Variants in MEGF8 observed in about 807,000 individuals in gnomAD.
MEGF8 encodes multiple epidermal growth factor-like domains protein 8.
A neutral mutation model predicts 302.9 loss-of-function variants in MEGF8; 156 were observed. That is an observed-to-expected ratio of 0.52 (90% CI 0.45 to 0.59). MEGF8 has a LOEUF of 0.59. Ranked by LOEUF, MEGF8 falls within the 20% of genes least tolerant of loss-of-function variation. The pLI is 0.00. For missense variants in MEGF8, 3,345 were observed against 3,964.5 expected (o/e 0.84, Z 4.20); for synonymous variants, 1,621 against 1,660.5 (o/e 0.98, Z 0.58).
intron 1 of MEGF8, among the ~76,000 whole-genome samples, chr19:42,327,837 G>A (rs1185926367): frequency 4.6e-5 from 7 of 152,236 alleles, no homozygotes; most frequent in African/African-American, 1.7e-4. Flanking sequence ...GCTCATGCCT[G>A]TAATCCCAGC....
intron 8 of MEGF8, among the ~76,000 whole-genome samples, chr19:42,342,545 G>C (rs2039229287): frequency 6.6e-6 from 1 of 152,028 alleles, no homozygotes; most frequent in Admixed American, 6.5e-5. Flanking sequence ...GCTGAGGCAG[G>C]AGAATGGTGT....
chr19:42,354,499 C>A lies in MEGF8; in HGVS notation c.4012-89C>A. The A allele has an allele frequency of 6.9e-7, 1 of 1,442,152 alleles. No individual in the cohort carries two copies. The allele number at this position is 1,442,152 out of a possible 1,614,324, so 89.3% of individuals were successfully genotyped here. ...AGCCCATTTCCCAGTCTCAGATTGCCCTCCCCTCTTGAACCCCTCCTCCTC... is the reference window on the plus strand; with the variant it reads ...AGCCCATTTCCCAGTCTCAGATTGCACTCCCCTCTTGAACCCCTCCTCCTC... On this transcript the variant is annotated intron_variant, in intron 22 of 41. Transcript: ENST00000251268. The surrounding 1 kb of genome is among the most constrained non-coding windows in gnomAD (Gnocchi z 4.3).
At chr19:42,350,435 G>A (rs759805927) in intron 15 of MEGF8, 51 bp downstream of exon 15, 41 of 1,426,290 alleles carry the variant, frequency 2.9e-5, no homozygotes, top group Non-Finnish European at 3.4e-5. Flanking sequence ...AGCCACAGCA[G>A]GCAATGGGCA....
intron 8 of MEGF8, 140 bp from the exon 9 acceptor site, chr19:42,343,337 G>T (rs1243907807): frequency 1.2e-6 from 1 of 859,992 alleles, no homozygotes; most frequent in East Asian, 2.7e-5. Flanking sequence ...CAGGTGGGCT[G>T]GGAGAGTGTC....
Position 42,326,047 on chromosome 19 carries a change from T to G in MEGF8, c.-197T>G. ...AGGGCCTTCCATCGCTCTATAGGGC[T>G]CAGCCCTCGGCTTCCAGAGCCTGTC... is the stretch of plus-strand genomic sequence containing the variant. On this transcript the variant is annotated 5_prime_UTR_variant, in exon 1 of 42. Coordinates refer to ENST00000251268, the MANE Select transcript of MEGF8 (RefSeq NM_001271938.2). 1 of 884,794 alleles carries G rather than the reference T, an allele frequency of 1.1e-6. No homozygotes were observed. The highest frequency in any genetic ancestry group is 1.6e-6 in the Non-Finnish European group (1 of 634,766). 54.8% of individuals were successfully genotyped at this position (884,794 alleles called of 1,614,324 possible). A position where few individuals can be genotyped will look rare whatever the true frequency, so the allele number is the denominator to read the frequency against.
chr19:42,368,994 C>G lies in MEGF8; in HGVS notation c.6633C>G (p.Thr2211=), dbSNP rs2039646771. Residue 2211 remains threonine, a synonymous_variant, in exon 37 of 42, where the codon ACC becomes ACG. Coordinates refer to ENST00000251268, the MANE Select transcript of MEGF8 (RefSeq NM_001271938.2). The surrounding 1 kb of genome is among the most constrained non-coding windows in gnomAD (Gnocchi z 4.9). ...AGTGCAGCTGCAAGACCGGCTATACCATGGACAAGTGAGGCCGCAGGCGGC... is the reference window on the plus strand; with the variant it reads ...AGTGCAGCTGCAAGACCGGCTATACGATGGACAAGTGAGGCCGCAGGCGGC... ...GYECSCKTGY[T]MDNMTGLCRP... 6.2e-7 allele frequency: 1 copy of G among 1,613,374 alleles called. No individual in the cohort carries two copies. The highest frequency in any genetic ancestry group is 1.1e-5 in the South Asian group (1 of 91,080).
Position 42,368,625 on chromosome 19 carries a change from C to T in MEGF8, c.6444C>T (p.Gly2148=). The change falls in exon 36 of 42, where the codon GGC becomes GGT. Residue 2148 remains glycine (G), a synonymous_variant. Transcript: ENST00000251268. This position sits in a 1 kb window ranked among gnomAD's most constrained non-coding sequence, Gnocchi z 4.9. Reference sequence around the variant, plus strand: ...CCTGGGGGGGCCAGGATGGGGGTGGCCGCTGCATGGAGGGTGGACTCAGCG... The same window carrying T: ...CCTGGGGGGGCCAGGATGGGGGTGGTCGCTGCATGGAGGGTGGACTCAGCG... The part of the protein sequence containing the change: ...WCAWGGQDGG[G]RCMEGGLSGP... 1.9e-6 allele frequency: 3 copies of T among 1,564,090 alleles called. No individual in the cohort carries two copies. Among genetic ancestry groups the T allele is most frequent in the South Asian group, 1.2e-5 (1 of 85,638 alleles).
At chr19:42,339,830 G>A (rs1030304605) in intron 8 of MEGF8, among the ~76,000 whole-genome samples, 1 of 152,140 alleles carries the variant, frequency 6.6e-6, no homozygotes, top group African/African-American at 2.4e-5. Context: ...ACGCCATGGC[G>A]GGCAGATCAT....
Position 42,370,773 on chromosome 19 carries a change from G to A in MEGF8, c.7078G>A (p.Gly2360Arg). Residue 2360 changes from glycine (G) to arginine (R), a missense_variant, in exon 40 of 42, where the codon GGG (glycine) becomes AGG (arginine). Gly to Arg is a moderately radical substitution (Grantham distance 125). Transcript: ENST00000251268. ...VCVNCQNNSY[G>R]EKCESCLQGY... The stretch of plus-strand genomic sequence containing the variant: ...CGTGAACTGCCAGAATAACAGCTAT[G>A]GGGAGAAATGCGAGAGCTGCCTGCA... 6.4e-7 allele frequency: 1 copy of A among 1,558,950 alleles called. No homozygotes were observed. Among genetic ancestry groups the A allele is most frequent in the South Asian group, 1.2e-5 (1 of 85,024 alleles).
intron 1 of MEGF8, among the ~76,000 whole-genome samples, chr19:42,327,166 G>C (rs1359839683): frequency 6.6e-6 from 1 of 152,222 alleles, no homozygotes; most frequent in Non-Finnish European, 1.5e-5. Context: ...TATAGTAACT[G>C]TTCAATAAAT....
rs1378781923 is a variant in MEGF8, at chr19:42,369,372, G to A, written c.6642-159G>A. Among the ~76,000 whole-genome samples the A allele has an allele frequency of 1.3e-5, 2 of 152,230 alleles. No individual in the cohort carries two copies. Among genetic ancestry groups the A allele is most frequent in the Non-Finnish European group, 2.9e-5 (2 of 68,044 alleles). ...GGAGAGAGGGTTGTGGGCTACACCT[G>A]GAGGGGGTGGTGGGCTAGATCCTGA... On this transcript the variant is annotated intron_variant, in intron 37 of 41. Transcript: ENST00000251268. The surrounding 1 kb of genome is among the most constrained non-coding windows in gnomAD (Gnocchi z 5.7).
rs1412584261 is a variant in MEGF8, at chr19:42,355,974, A to G, written c.4361A>G (p.Asn1454Ser). The G allele has an allele frequency of 5.3e-5, 85 of 1,612,284 alleles. No individual in the cohort carries two copies. The highest frequency in any genetic ancestry group is 6.7e-5 in the Non-Finnish European group (79 of 1,179,476). Residue 1454 changes from asparagine (N) to serine (S), a missense_variant, in exon 24 of 42, where the codon AAT (asparagine) becomes AGT (serine). Physicochemically the swap from Asn to Ser is conservative, Grantham distance 46. Coordinates refer to ENST00000251268, the MANE Select transcript of MEGF8 (RefSeq NM_001271938.2). ...CRMALCPENC[N>S]AHTGAGTCNQ... ...ATGGCTCTGTGTCCTGAGAACTGCAATGCCCACACTGGGGCAGGAACTTGT... is the reference window on the plus strand; with the variant it reads ...ATGGCTCTGTGTCCTGAGAACTGCAGTGCCCACACTGGGGCAGGAACTTGT...
In MEGF8 at chr19:42,354,455, C is replaced by A; in HGVS notation, c.4012-133C>A. 1 of 1,037,194 alleles carries A rather than the reference C, an allele frequency of 9.6e-7. No individual in the cohort carries two copies. The allele number at this position is 1,037,194 out of a possible 1,614,324, so 64.2% of individuals were successfully genotyped here. On this transcript the variant is annotated intron_variant, in intron 22 of 41. Transcript: ENST00000251268. This position sits in a 1 kb window ranked among gnomAD's most constrained non-coding sequence, Gnocchi z 4.3. ...TGGCCTTATGCCATAGTTTGACAGTCTCCCCTGGATGTTCAAACAGCCCAT... is the reference window on the plus strand; with the variant it reads ...TGGCCTTATGCCATAGTTTGACAGTATCCCCTGGATGTTCAAACAGCCCAT...
At position 42,342,122 on chromosome 19, in the gene MEGF8, C is replaced by T. The variant is rs558774139; in HGVS notation, c.1514-1355C>T. On this transcript the variant is annotated intron_variant, in intron 8 of 41. Transcript: ENST00000251268. ...GGCCCTCATTCTAGGTCTCGTCTGC[C>T]TATCCCTTGGTCCCCTTCACTGGGC... Among the ~76,000 whole-genome samples the T allele has an allele frequency of 2.6e-5, 4 of 152,330 alleles. No individual in the cohort carries two copies. The East Asian group carries it at 7.7e-4, about 29-fold the overall frequency.
At chr19:42,361,114 G>T (rs887406461) in intron 32 of MEGF8, 108 bp downstream of exon 32, 2 of 1,193,370 alleles carry the variant, frequency 1.7e-6, no homozygotes, top group East Asian at 5.4e-5. Flanking sequence ...TCTGGTTCAG[G>T]AAAGGGGTGA....
chr19:42,366,969 C>A (rs1486436812), intron 35 of MEGF8, among the ~76,000 whole-genome samples: 1 of 152,238 alleles, frequency 6.6e-6, no homozygotes, highest in Non-Finnish European at 1.5e-5. Flanking sequence ...CCAGCCACAG[C>A]AGTCAGGGTT....
At chr19:42,364,929 A>T (rs553383858) in intron 35 of MEGF8, among the ~76,000 whole-genome samples, 78 of 152,320 alleles carry the variant, frequency 5.1e-4, no homozygotes, top group Non-Finnish European at 9.1e-4. Flanking sequence ...AATGATCATG[A>T]TCATTGTTAC....
chr19:42,339,975 T>C, intron 8 of MEGF8, among the ~76,000 whole-genome samples: 1 of 151,960 alleles, frequency 6.6e-6, no homozygotes. Flanking sequence ...GGAGAATTGC[T>C]TGAACCTGGG....
chr19:42,362,367 C>T lies in MEGF8; in HGVS notation c.5845-17C>T. ...AGGGGTGCTGAGGGTCCCATCTAGC[C>T]TGTCTTCCCTCACCAGGCGTCCACC... On this transcript the variant is annotated splice_polypyrimidine_tract_variant and intron_variant, in intron 33 of 41. Coordinates refer to ENST00000251268, the MANE Select transcript of MEGF8 (RefSeq NM_001271938.2). 2 of 1,613,810 alleles carry T rather than the reference C, an allele frequency of 1.2e-6. No homozygotes were observed. The highest frequency in any genetic ancestry group is 1.7e-6 in the Non-Finnish European group (2 of 1,179,828).
Sources: allele counts gnomAD v4.1 joint callset (sites outside exome capture counted in the v4.1 genomes callset), GRCh38; gene constraint gnomAD v4.1.1; non-coding constraint Gnocchi (gnomAD v3.1); transcripts MANE v1.5; gene names NCBI Gene and HGNC (gene_info 2026-07-23, HGNC 2026-07-21).